GFRAL: variants seen among roughly 807,000 people sequenced by gnomAD.
The protein encoded by GFRAL is GDNF family receptor alpha-like.
GFRAL carries 36 observed loss-of-function variants against 45.4 expected under a neutral mutation model. That is an observed-to-expected ratio of 0.79 (90% CI 0.61 to 1.05). The LOEUF (loss-of-function observed/expected upper bound fraction) is 1.05. GFRAL is among the 50% of genes least tolerant of loss of function. The probability of loss-of-function intolerance (pLI) is 0.00; values close to 1 mark genes in which losing one functional copy is unlikely to be tolerated. For synonymous variants in GFRAL, 166 were observed against 154.1 expected (o/e 1.08, Z -0.57); for missense variants, 507 against 467.5 (o/e 1.08, Z -0.78).
chr6:55,356,484 A>G (rs1208157298), intron 5 of GFRAL, among the ~76,000 whole-genome samples: 2 of 151,806 alleles, frequency 1.3e-5, no homozygotes, highest in Non-Finnish European at 2.9e-5. Context: ...AGATTTTCTG[A>G]TGTATTGGCA....
chr6:55,393,527 G>T (rs1768782241), intron 6 of GFRAL, among the ~76,000 whole-genome samples: 1 of 152,182 alleles, frequency 6.6e-6, no homozygotes, highest in African/African-American at 2.4e-5. Context: ...TGGTCTTTAG[G>T]CAGACACCTG....
chr6:55,345,113 T>G (rs1269234859), intron 3 of GFRAL, among the ~76,000 whole-genome samples: 1 of 152,150 alleles, frequency 6.6e-6, no homozygotes, highest in Non-Finnish European at 1.5e-5. Flanking sequence ...ATGGCCATAC[T>G]GCCCAAGGTA....
chr6:55,330,529 T>A (rs376181748), intron 1 of GFRAL, among the ~76,000 whole-genome samples: 11 of 152,184 alleles, frequency 7.2e-5, no homozygotes, highest in Middle Eastern at 3.4e-3. Context: ...AAATAGCTAA[T>A]GATTGTGTTC....
At chr6:55,336,433 A>G (rs1767892404) in intron 3 of GFRAL, among the ~76,000 whole-genome samples, 1 of 152,206 alleles carries the variant, frequency 6.6e-6, no homozygotes, top group South Asian at 2.1e-4. Flanking sequence ...AGTATTTGAT[A>G]GTTTTCAGTA....
intron 3 of GFRAL, among the ~76,000 whole-genome samples, chr6:55,348,505 T>G (rs1486309221): frequency 6.6e-6 from 1 of 152,076 alleles, no homozygotes; most frequent in East Asian, 1.9e-4. Context: ...TTTTCCCCAG[T>G]TCCGGATTAC....
intron 6 of GFRAL, 78 bp downstream of exon 6, chr6:55,359,216 C>G: frequency 7.9e-7 from 1 of 1,268,318 alleles, no homozygotes; most frequent in Non-Finnish European, 1.1e-6. Context: ...TTGTTTTTGC[C>G]TATACAGTAA....
intron 3 of GFRAL, among the ~76,000 whole-genome samples, chr6:55,341,729 T>C (rs1450178531): frequency 1.3e-5 from 2 of 152,246 alleles, no homozygotes; most frequent in South Asian, 2.1e-4. Context: ...TTCTCTGAGC[T>C]AAAGGAGGAT....
chr6:55,358,803 G>C, intron 5 of GFRAL, 85 bp from the exon 6 acceptor site: 1 of 1,304,154 alleles, frequency 7.7e-7, no homozygotes, highest in South Asian at 1.3e-5. Context: ...TGTGTTCTAT[G>C]TCTTTCATTA....
chr6:55,358,926 G>A lies in GFRAL; in HGVS notation c.740G>A (p.Arg247His), dbSNP rs534778776. 2.3e-5 allele frequency: 37 copies of A among 1,612,340 alleles called. No individual in the cohort carries two copies. The highest frequency in any genetic ancestry group is 2.8e-5 in the Non-Finnish European group (33 of 1,178,894). The stretch of plus-strand genomic sequence containing the variant: ...ACATTTCAGTCAAAATGCTGGCAGC[G>A]TGTGACTAGAAAGTGCCATGAAGAT... ...YRTFQSKCWQ[R>H]VTRKCHEDEN... is the part of the protein sequence containing the mutation. The change falls in exon 6 of 9, where the codon CGT becomes CAT. Residue 247 changes from arginine to histidine, a missense_variant. Coordinates refer to ENST00000340465, the MANE Select transcript of GFRAL (RefSeq NM_207410.2).
At chr6:55,342,837 C>T (rs1040390078) in intron 3 of GFRAL, among the ~76,000 whole-genome samples, 3 of 151,814 alleles carry the variant, frequency 2.0e-5, no homozygotes, top group African/African-American at 4.8e-5. Context: ...GGAAGATCTA[C>T]CAAGCAAATG....
intron 6 of GFRAL, among the ~76,000 whole-genome samples, chr6:55,386,699 A>AAAATTCC (rs1768685428): frequency 6.6e-6 from 1 of 152,142 alleles, no homozygotes; most frequent in South Asian, 2.1e-4. Flanking sequence ...TTCAAAATTC[A>AAAATTCC]AAATTCCCTC....
At chr6:55,382,675 C>T (rs1416674174) in intron 6 of GFRAL, among the ~76,000 whole-genome samples, 2 of 151,920 alleles carry the variant, frequency 1.3e-5, no homozygotes, top group Non-Finnish European at 2.9e-5. Flanking sequence ...GACCTTATTA[C>T]AGAGCACAGC....
At chr6:55,378,628 C>A (rs1768565615) in intron 6 of GFRAL, among the ~76,000 whole-genome samples, 1 of 151,948 alleles carries the variant, frequency 6.6e-6, no homozygotes, top group Admixed American at 6.6e-5. Context: ...CACGTCTTGC[C>A]ACTACCATGG....
chr6:55,399,533 C>G (rs901571648), intron 8 of GFRAL, 92 bp downstream of exon 8: 3 of 847,530 alleles, frequency 3.5e-6, no homozygotes, highest in Non-Finnish European at 6.0e-6. Context: ...TACAAAGAGC[C>G]TGAGAATGAA....
intron 3 of GFRAL, 44 bp downstream of exon 3, chr6:55,333,988 A>G (rs2127350113): frequency 8.2e-7 from 1 of 1,221,742 alleles, no homozygotes; most frequent in Non-Finnish European, 1.1e-6. Flanking sequence ...TGAAAAAGAA[A>G]GCAACAATTT....
intron 3 of GFRAL, among the ~76,000 whole-genome samples, chr6:55,345,241 T>A (rs964537722): frequency 3.3e-5 from 5 of 151,974 alleles, no homozygotes; most frequent in African/African-American, 1.2e-4. Context: ...GCCAAGACAA[T>A]CCTAAGCCAA....
intron 3 of GFRAL, among the ~76,000 whole-genome samples, chr6:55,340,818 C>G (rs1767953439): frequency 6.6e-6 from 1 of 152,220 alleles, no homozygotes. Flanking sequence ...TCGGGTCACT[C>G]TCACCCTAAT....
At chr6:55,356,634 A>C (rs555583043) in intron 5 of GFRAL, among the ~76,000 whole-genome samples, 15 of 151,824 alleles carry the variant, frequency 9.9e-5, no homozygotes, top group African/African-American at 3.6e-4. Flanking sequence ...TGGAGATTTT[A>C]TCTTTCCAAA....
At chr6:55,398,967 A>T (rs185528888) in intron 6 of GFRAL, among the ~76,000 whole-genome samples, 1 of 152,258 alleles carries the variant, frequency 6.6e-6, no homozygotes, top group East Asian at 1.9e-4. Flanking sequence ...TTTGCAAAAA[A>T]TAAAAGCTTA....
Sources: gnomAD v4.1 joint callset for allele counts (sites outside exome capture counted in the v4.1 genomes callset) on GRCh38, gnomAD v4.1.1 for gene constraint, MANE v1.5 for transcripts, NCBI Gene and HGNC (gene_info 2026-07-23, HGNC 2026-07-21) for gene names.